PTPA: variants seen among roughly 807,000 people sequenced by gnomAD.
The protein encoded by PTPA is serine/threonine-protein phosphatase 2A activator.
Under a neutral mutation model 43.6 loss-of-function variants are expected in PTPA, and 13 were observed. The observed-to-expected ratio is 0.30, with a 90% CI of 0.19 to 0.47. The LOEUF is 0.47. Among genes scored for constraint, PTPA ranks in the 20% least tolerant of loss-of-function variants. The probability of loss-of-function intolerance (pLI) is 0.99; values close to 1 mark genes in which losing one functional copy is unlikely to be tolerated. For synonymous variants in PTPA, 172 were observed against 158.2 expected (o/e 1.09, Z -0.66); for missense variants, 329 against 411.9 (o/e 0.80, Z 1.74).
chr9:129,140,464 C>T (rs954513210), intron 8 of PTPA, among the ~76,000 whole-genome samples: 4 of 152,174 alleles, frequency 2.6e-5, no homozygotes, highest in Admixed American at 6.5e-5. Context: ...GTGTAGGGGC[C>T]CAGGGCCACT....
chr9:129,139,792 C>T (rs1002646369), intron 8 of PTPA: 1 of 152,000 alleles, frequency 6.6e-6, no homozygotes, highest in Non-Finnish European at 1.5e-5. Context: ...ACTAAAACAC[C>T]GAGAACTTGG....
intron 1 of PTPA, among the ~76,000 whole-genome samples, chr9:129,117,826 A>G: frequency 6.6e-6 from 1 of 151,630 alleles, no homozygotes; most frequent in African/African-American, 2.4e-5. Flanking sequence ...CCTCCCAAGT[A>G]GCTGGGATTA....
intron 3 of PTPA, among the ~76,000 whole-genome samples, chr9:129,125,881 G>T (rs1225183566): frequency 6.6e-6 from 1 of 152,302 alleles, no homozygotes; most frequent in East Asian, 1.9e-4. Flanking sequence ...GGGCGCGGTG[G>T]CTCATGACTG....
Position 129,111,780 on chromosome 9 carries a change from C to T in PTPA, c.31+149C>T, listed in dbSNP as rs866308543. The T allele has an allele frequency of 2.2e-5, 27 of 1,227,510 alleles. No individual in the cohort carries two copies. The Middle Eastern group carries it at 1.6e-3, about 71-fold the overall frequency. 76.0% of individuals were successfully genotyped at this position (1,227,510 alleles called of 1,614,324 possible). On this transcript the variant is annotated intron_variant, in intron 1 of 9. Transcript: ENST00000393370. ...CCGAGGAGGGACTGAGTTGAATGGC[C>T]TTAGGGGAGAGGTGGGTGGTGGGGC...
intron 1 of PTPA, among the ~76,000 whole-genome samples, chr9:129,116,111 C>G (rs992180264): frequency 1.3e-5 from 2 of 151,428 alleles, no homozygotes; most frequent in Non-Finnish European, 2.9e-5. Context: ...ACCTCTGCCT[C>G]CTGGGTTCAA....
At chr9:129,140,484 G>C (rs1323749010) in intron 8 of PTPA, among the ~76,000 whole-genome samples, 1 of 152,186 alleles carries the variant, frequency 6.6e-6, no homozygotes, top group Non-Finnish European at 1.5e-5. Flanking sequence ...TGGAGCTCCA[G>C]GACATGGGCC....
intron 3 of PTPA, among the ~76,000 whole-genome samples, chr9:129,127,437 G>A (rs1381100080): frequency 6.6e-6 from 1 of 152,230 alleles, no homozygotes; most frequent in Non-Finnish European, 1.5e-5. Context: ...TTTCCTGTAA[G>A]TTTCTTATGC....
chr9:129,142,565 TG>T lies in PTPA; in HGVS notation c.894+15del. 1 of 1,613,984 alleles carries T rather than the reference TG, an allele frequency of 6.2e-7. No homozygotes were observed. Among genetic ancestry groups the T allele is most frequent in the Non-Finnish European group, 8.5e-7 (1 of 1,179,934 alleles). On this transcript the variant is annotated intron_variant, in intron 9 of 9. Transcript: ENST00000393370. ...GTATAAGGCCGAGGTGAGTGGGGGCTGGCCAGTGTGCCCGTCCCTGCTGCCG... is the reference window on the plus strand; with the variant it reads ...GTATAAGGCCGAGGTGAGTGGGGGCTGCCAGTGTGCCCGTCCCTGCTGCCG...
chr9:129,127,791 A>G (rs2131578723), intron 3 of PTPA, among the ~76,000 whole-genome samples: 1 of 152,342 alleles, frequency 6.6e-6, no homozygotes, highest in Non-Finnish European at 1.5e-5. Flanking sequence ...GCATTTCCAC[A>G]AAGATTGAGT....
At chr9:129,134,282 T>C in intron 5 of PTPA, among the ~76,000 whole-genome samples, 1 of 149,402 alleles carries the variant, frequency 6.7e-6, no homozygotes, top group African/African-American at 2.5e-5. Context: ...AGTGGAATTA[T>C]AGTACTGGTA....
At position 129,142,559 on chromosome 9, in the gene PTPA, G is replaced by C. The variant is rs1350182416; in HGVS notation, c.894+7G>C. On this transcript the variant is annotated splice_region_variant and intron_variant, in intron 9 of 9. Coordinates refer to ENST00000393370, the MANE Select transcript of PTPA (RefSeq NM_178000.3). ...CCGCATGTATAAGGCCGAGGTGAGT[G>C]GGGGCTGGCCAGTGTGCCCGTCCCT... 90 of 1,614,012 alleles carry C rather than the reference G, an allele frequency of 5.6e-5. No homozygotes were observed. The highest frequency in any genetic ancestry group is 7.4e-5 in the Non-Finnish European group (87 of 1,179,992).
intron 1 of PTPA, among the ~76,000 whole-genome samples, chr9:129,115,232 A>G (rs770024039): frequency 2.6e-5 from 4 of 152,244 alleles, no homozygotes; most frequent in Middle Eastern, 3.2e-3. Flanking sequence ...AGTCTGACCT[A>G]CAAAGCTTTT....
chr9:129,111,368 T>C, upstream of PTPA: 2 of 1,170,936 alleles, frequency 1.7e-6, no homozygotes, highest in East Asian at 3.7e-5. Flanking sequence ...GTTCCGCGCG[T>C]CCGCCGCGCG....
At chr9:129,128,212 T>C (rs963788291) in intron 3 of PTPA, 1 of 431,104 alleles carries the variant, frequency 2.3e-6, no homozygotes, top group Non-Finnish European at 4.4e-6. Flanking sequence ...TAAAACACTA[T>C]GAGAAGATAA....
intron 1 of PTPA, among the ~76,000 whole-genome samples, chr9:129,112,362 A>G (rs7849270): frequency 0.61 from 92,391 of 152,096 alleles, 29,953 homozygotes; most frequent in South Asian, 0.73. Flanking sequence ...ACCTACCTTG[A>G]ACTAAGAAGG....
intron 1 of PTPA, among the ~76,000 whole-genome samples, chr9:129,118,801 C>T (rs1300783823): frequency 2.0e-5 from 3 of 150,294 alleles, no homozygotes; most frequent in Non-Finnish European, 4.4e-5. Context: ...AGGTGTGAGC[C>T]ACTATGCCCA....
intron 1 of PTPA, among the ~76,000 whole-genome samples, chr9:129,117,063 A>C (rs543718396): frequency 6.6e-6 from 1 of 151,868 alleles, no homozygotes; most frequent in East Asian, 1.9e-4. Flanking sequence ...GGTTGTTTCT[A>C]ATTTTTTTTT....
chr9:129,118,065 T>C (rs78411498), intron 1 of PTPA, among the ~76,000 whole-genome samples: 45 of 104,644 alleles, frequency 4.3e-4, no homozygotes, highest in East Asian at 1.8e-3. Context: ...TTTTTTTTTT[T>C]CCCCCGAGAT....
intron 1 of PTPA, chr9:129,112,058 G>C (rs1588474751): frequency 5.8e-6 from 1 of 170,982 alleles, no homozygotes; most frequent in South Asian, 2.0e-4. Flanking sequence ...GTGGTGCTCC[G>C]TGGGCCTGCG....
Sources: allele counts gnomAD v4.1 joint callset (sites outside exome capture counted in the v4.1 genomes callset), GRCh38; gene constraint gnomAD v4.1.1; transcripts MANE v1.5; gene names NCBI Gene and HGNC (gene_info 2026-07-23, HGNC 2026-07-21).